Variants in TCERG1L observed in about 807,000 individuals in gnomAD.
The protein encoded by TCERG1L is transcription elongation regulator 1 like, also known as transcription elongation regulator 1-like protein.
In TCERG1L, 37 loss-of-function variants were observed where a neutral mutation model predicts 56.3. That is an observed-to-expected ratio of 0.66 (90% CI 0.51 to 0.87). The LOEUF (loss-of-function observed/expected upper bound fraction) is 0.87, where lower values mean the gene tolerates loss of function less well. TCERG1L is among the 40% of genes least tolerant of loss of function. The pLI is 0.00. For synonymous variants in TCERG1L, 324 were observed against 326.3 expected, an observed-to-expected ratio of 0.99 and a Z score of 0.08; for missense variants, 799 against 774.2, an observed-to-expected ratio of 1.03 and a Z score of -0.38.
chr10:131,285,151 G>C (rs1441256132), intron 3 of TCERG1L, among the ~76,000 whole-genome samples: 1 of 152,096 alleles, frequency 6.6e-6, no homozygotes, highest in Non-Finnish European at 1.5e-5. Flanking sequence ...GCCGAGGCAG[G>C]TGGATCACTT....
chr10:131,292,707 T>C (rs1387482073), intron 3 of TCERG1L, among the ~76,000 whole-genome samples: 2 of 152,160 alleles, frequency 1.3e-5, no homozygotes, highest in African/African-American at 4.8e-5. Flanking sequence ...TCGGGTTGAA[T>C]TGCCCATTGA....
chr10:131,310,715 G>A (rs1846879009), intron 1 of TCERG1L, among the ~76,000 whole-genome samples: 1 of 152,204 alleles, frequency 6.6e-6, no homozygotes, highest in South Asian at 2.1e-4. Context: ...CGGCAGGCCT[G>A]GGGCAGGGGA....
At chr10:131,243,146 C>A (rs1183451633) in intron 4 of TCERG1L, among the ~76,000 whole-genome samples, 1 of 152,088 alleles carries the variant, frequency 6.6e-6, no homozygotes, top group Non-Finnish European at 1.5e-5. Flanking sequence ...TTCGCCTGCA[C>A]GATAATAACA....
At chr10:131,126,487 T>C (rs1459451164) in intron 8 of TCERG1L, among the ~76,000 whole-genome samples, 4 of 151,838 alleles carry the variant, frequency 2.6e-5, no homozygotes, top group Admixed American at 2.6e-4. Context: ...AGAATCCCAG[T>C]GAGCAGCAAG....
chr10:131,211,121 G>A lies in TCERG1L; in HGVS notation c.857-44236C>T, dbSNP rs529378686. ...TCTGTGCTTTGGGGACAGCAGCAAA[G>A]GGGTGTTGGGATGGTATCTGGGTGG... On this transcript the variant is annotated intron_variant, in intron 4 of 11. Coordinates refer to ENST00000368642, the MANE Select transcript of TCERG1L (RefSeq NM_174937.4). Among the ~76,000 whole-genome samples, 3 of 152,358 alleles carry A rather than the reference G, an allele frequency of 2.0e-5. No individual in the cohort carries two copies. The East Asian group carries it at 5.8e-4, about 29-fold the overall frequency.
In TCERG1L at chr10:131,297,193, T is replaced by G. The variant is rs1169889396; in HGVS notation, c.670+11018A>C. ...TTCAGTTTGACGTTAGTGGTAGATC[T>G]TCCTTAGATGTCCTTTGTCAGTTTG... On this transcript the variant is annotated intron_variant, in intron 3 of 11. Transcript: ENST00000368642. 2.0e-5 allele frequency among the ~76,000 whole-genome samples: 3 copies of G among 152,366 alleles called. No homozygotes were observed. The East Asian group carries it at 5.8e-4, about 29-fold the overall frequency.
At chr10:131,204,045 G>A (rs1341463797) in intron 4 of TCERG1L, among the ~76,000 whole-genome samples, 1 of 152,210 alleles carries the variant, frequency 6.6e-6, no homozygotes, top group Non-Finnish European at 1.5e-5. Context: ...CCTCATGGAT[G>A]GAATGAGCGA....
Position 131,106,832 on chromosome 10 carries a change from A to G in TCERG1L, c.1396-2478T>C, listed in dbSNP as rs1303151163. On this transcript the variant is annotated intron_variant, in intron 9 of 11. Coordinates refer to ENST00000368642, the MANE Select transcript of TCERG1L (RefSeq NM_174937.4). ...AACACATGCTTTATTTGTATATTAT[A>G]AGAGATGAATTTTCTTCACTGGCAA... Among the ~76,000 whole-genome samples the G allele has an allele frequency of 2.0e-5, 3 of 152,200 alleles. No individual in the cohort carries two copies. The East Asian group carries it at 5.8e-4, about 29-fold the overall frequency.
intron 3 of TCERG1L, among the ~76,000 whole-genome samples, chr10:131,280,576 C>T (rs1307674714): frequency 6.6e-6 from 1 of 152,142 alleles, no homozygotes; most frequent in East Asian, 1.9e-4. Context: ...GAATGGGACG[C>T]AGGTTGGCCC....
At chr10:131,232,537 A>G (rs995337580) in intron 4 of TCERG1L, among the ~76,000 whole-genome samples, 5 of 152,232 alleles carry the variant, frequency 3.3e-5, no homozygotes, top group African/African-American at 1.2e-4. Flanking sequence ...TCCATAGCCA[A>G]TTTGTGTTCA....
chr10:131,257,642 A>G (rs1026507557), intron 4 of TCERG1L, among the ~76,000 whole-genome samples: 2 of 152,132 alleles, frequency 1.3e-5, no homozygotes, highest in African/African-American at 2.4e-5. Context: ...TTTGGGCCAG[A>G]TGATTCTCTA....
chr10:131,279,899 C>T (rs1371269394), intron 3 of TCERG1L, among the ~76,000 whole-genome samples: 17 of 152,194 alleles, frequency 1.1e-4, no homozygotes, highest in Admixed American at 1.1e-3. Context: ...GGCACACCCT[C>T]CTCTCAACAG....
chr10:131,290,228 TGA>T (rs753413488), intron 3 of TCERG1L, among the ~76,000 whole-genome samples: 4 of 146,440 alleles, frequency 2.7e-5, no homozygotes, highest in African/African-American at 1.0e-4. Context: ...TCGGTGTGTG[TGA>T]GAGTGTATGT....
intron 4 of TCERG1L, among the ~76,000 whole-genome samples, chr10:131,227,570 CG>C (rs1206389607): frequency 2.6e-5 from 4 of 152,190 alleles, no homozygotes. Context: ...CGGAAAGGAC[CG>C]CCCAGCCCAT....
chr10:131,243,641 T>G (rs760763207), intron 4 of TCERG1L, among the ~76,000 whole-genome samples: 7 of 152,150 alleles, frequency 4.6e-5, no homozygotes, highest in African/African-American at 7.2e-5. Context: ...AAACCAACCC[T>G]GCAACCTTGA....
chr10:131,263,665 G>T (rs886361046), intron 3 of TCERG1L, among the ~76,000 whole-genome samples: 1 of 152,234 alleles, frequency 6.6e-6, no homozygotes, highest in Non-Finnish European at 1.5e-5. Context: ...ACAACCGTCT[G>T]CAAACAGGTT....
intron 4 of TCERG1L, among the ~76,000 whole-genome samples, chr10:131,200,954 C>A (rs1332504863): frequency 2.0e-5 from 3 of 152,144 alleles, no homozygotes; most frequent in Non-Finnish European, 4.4e-5. Context: ...CTTGCCTTTC[C>A]CCCTCCTGCC....
chr10:131,298,957 C>G (rs183964564), intron 3 of TCERG1L, among the ~76,000 whole-genome samples: 2 of 152,104 alleles, frequency 1.3e-5, no homozygotes, highest in Non-Finnish European at 2.9e-5. Flanking sequence ...ACTGTAAACA[C>G]GATTGTCTAT....
chr10:131,298,871 G>A (rs546375324), intron 3 of TCERG1L, among the ~76,000 whole-genome samples: 15 of 152,314 alleles, frequency 9.8e-5, no homozygotes, highest in African/African-American at 3.1e-4. Context: ...TATTATGCAA[G>A]TTCTCTAAAT....
Sources: allele counts gnomAD v4.1 joint callset (sites outside exome capture counted in the v4.1 genomes callset), GRCh38; gene constraint gnomAD v4.1.1; transcripts MANE v1.5; gene names NCBI Gene and HGNC (gene_info 2026-07-23, HGNC 2026-07-21).